The following PTPRM variants were observed in gnomAD, a reference collection of about 807,000 sequenced individuals.
The protein encoded by PTPRM is receptor-type tyrosine-protein phosphatase mu.
A neutral mutation model predicts 186.7 loss-of-function variants in PTPRM; 47 were observed. The observed-to-expected ratio is 0.25, with a 90% CI of 0.20 to 0.32. The LOEUF (loss-of-function observed/expected upper bound fraction) is 0.32, where lower values mean the gene tolerates loss of function less well. PTPRM is among the 10% of genes least tolerant of loss of function. The pLI is 1.00. For synonymous variants in PTPRM, 668 were observed against 674.9 expected (o/e 0.99, Z 0.16); for missense variants, 1,494 against 1,865.0 (o/e 0.80, Z 3.66).
intron 13 of PTPRM, among the ~76,000 whole-genome samples, chr18:8,123,237 A>G (rs533933360): frequency 1.3e-5 from 2 of 152,358 alleles, no homozygotes; most frequent in African/African-American, 4.8e-5. Flanking sequence ...GCACCTGCTT[A>G]CAGTCTAGGC....
At chr18:7,958,271 A>G (rs1450335969) in intron 7 of PTPRM, among the ~76,000 whole-genome samples, 1 of 151,718 alleles carries the variant, frequency 6.6e-6, no homozygotes, top group Non-Finnish European at 1.5e-5. Flanking sequence ...AAATGCCCAT[A>G]TTGAAGGAGG....
chr18:8,030,594 A>G (rs964700020), intron 7 of PTPRM, among the ~76,000 whole-genome samples: 15 of 152,372 alleles, frequency 9.8e-5, no homozygotes, highest in African/African-American at 3.4e-4. Context: ...ATTTTGAAAT[A>G]TTAAGTTCTT....
chr18:8,218,636 GA>G (rs2147046141), intron 14 of PTPRM, among the ~76,000 whole-genome samples: 1 of 152,310 alleles, frequency 6.6e-6, no homozygotes, highest in Non-Finnish European at 1.5e-5. Flanking sequence ...GCGCTCAAAG[GA>G]AAGAGATTTT....
At chr18:8,285,105 A>G (rs1227276895) in intron 19 of PTPRM, among the ~76,000 whole-genome samples, 2 of 152,074 alleles carry the variant, frequency 1.3e-5, no homozygotes, top group Admixed American at 6.5e-5. Context: ...TCAACATTCT[A>G]CAAGTTCTAC....
At chr18:7,798,854 C>A (rs1471660742) in intron 2 of PTPRM, among the ~76,000 whole-genome samples, 1 of 152,138 alleles carries the variant, frequency 6.6e-6, no homozygotes, top group Non-Finnish European at 1.5e-5. Context: ...TAAATGTAAA[C>A]ACATAAACAT....
chr18:7,754,403 CAG>C (rs1241422194), intron 1 of PTPRM, among the ~76,000 whole-genome samples: 1 of 152,186 alleles, frequency 6.6e-6, no homozygotes, highest in African/African-American at 2.4e-5. Flanking sequence ...TATGGACACA[CAG>C]AGCAAGAAAA....
At chr18:8,248,072 G>A in intron 16 of PTPRM, 78 bp from the exon 17 acceptor site, 2 of 1,399,452 alleles carry the variant, frequency 1.4e-6, no homozygotes, top group Non-Finnish European at 2.0e-6. Context: ...CAGAAAATAG[G>A]GGTGGGCATT....
At chr18:7,673,856 TG>T (rs1248107662) in intron 1 of PTPRM, among the ~76,000 whole-genome samples, 1 of 152,164 alleles carries the variant, frequency 6.6e-6, no homozygotes, top group Non-Finnish European at 1.5e-5. Context: ...TGAGGGACAC[TG>T]GGGTGAGCCA....
At chr18:8,257,505 T>C (rs2147448312) in intron 19 of PTPRM, among the ~76,000 whole-genome samples, 1 of 152,298 alleles carries the variant, frequency 6.6e-6, no homozygotes, top group Non-Finnish European at 1.5e-5. Context: ...ACACAGGCAA[T>C]GCTTAAAAGG....
At chr18:8,063,373 G>C (rs974333809) in intron 7 of PTPRM, among the ~76,000 whole-genome samples, 1 of 151,648 alleles carries the variant, frequency 6.6e-6, no homozygotes, top group Non-Finnish European at 1.5e-5. Flanking sequence ...AGATGAACCC[G>C]GTACCTCAGA....
chr18:7,599,228 A>T (rs2037341185), intron 1 of PTPRM, among the ~76,000 whole-genome samples: 1 of 152,190 alleles, frequency 6.6e-6, no homozygotes, highest in South Asian at 2.1e-4. Context: ...ATTGTGTTTT[A>T]TGTATGTTCT....
At chr18:8,381,117 AC>A (rs1306971467) in intron 29 of PTPRM, among the ~76,000 whole-genome samples, 5 of 152,220 alleles carry the variant, frequency 3.3e-5, no homozygotes, top group African/African-American at 1.2e-4. Flanking sequence ...AAAGAATTGG[AC>A]AGTGATGACT....
chr18:8,000,726 C>A (rs9807748), intron 7 of PTPRM, among the ~76,000 whole-genome samples: 50,462 of 152,062 alleles, frequency 0.33, 9,437 homozygotes, highest in Non-Finnish European at 0.43. Context: ...ACCGCCTCAT[C>A]CATTTCACAC....
At chr18:7,600,792 G>A (rs2037381650) in intron 1 of PTPRM, among the ~76,000 whole-genome samples, 1 of 152,176 alleles carries the variant, frequency 6.6e-6, no homozygotes, top group African/African-American at 2.4e-5. Context: ...ACCAGGCTGT[G>A]GCCCAAGAGG....
intron 3 of PTPRM, among the ~76,000 whole-genome samples, chr18:7,889,908 C>T (rs1002984462): frequency 3.9e-5 from 6 of 152,200 alleles, no homozygotes; most frequent in Non-Finnish European, 5.9e-5. Flanking sequence ...GCAGTAACTG[C>T]TTTGAGTTCC....
At chr18:8,136,102 C>G (rs1335896573) in intron 13 of PTPRM, among the ~76,000 whole-genome samples, 2 of 152,114 alleles carry the variant, frequency 1.3e-5, no homozygotes, top group Non-Finnish European at 1.5e-5. Context: ...CATTTTAATG[C>G]CTTCAAAGTT....
At chr18:8,171,009 G>A (rs1323623231) in intron 14 of PTPRM, among the ~76,000 whole-genome samples, 5 of 152,198 alleles carry the variant, frequency 3.3e-5, no homozygotes, top group Non-Finnish European at 7.3e-5. Context: ...GGGCCTCTGT[G>A]TGAATGTTCT....
At chr18:7,728,578 T>C (rs979609910) in intron 1 of PTPRM, among the ~76,000 whole-genome samples, 1 of 152,212 alleles carries the variant, frequency 6.6e-6, no homozygotes, top group East Asian at 1.9e-4. Context: ...AAAGGCATTA[T>C]TCAGAAAGAA....
At chr18:7,594,433 T>C (rs2037203053) in intron 1 of PTPRM, among the ~76,000 whole-genome samples, 1 of 152,078 alleles carries the variant, frequency 6.6e-6, no homozygotes, top group Non-Finnish European at 1.5e-5. Flanking sequence ...TGAGCCGAGA[T>C]TGTGCCATTG....
Sources: gnomAD v4.1 joint callset for allele counts (sites outside exome capture counted in the v4.1 genomes callset) on GRCh38, gnomAD v4.1.1 for gene constraint, MANE v1.5 for transcripts, NCBI Gene and HGNC (gene_info 2026-07-23, HGNC 2026-07-21) for gene names.